Variants in ZNF334 observed in about 807,000 individuals in gnomAD.
ZNF334 encodes zinc finger protein 334.
In ZNF334, 14 loss-of-function variants were observed where a neutral mutation model predicts 12.4. That is an observed-to-expected ratio of 1.13 (90% CI 0.74 to 1.76). The LOEUF (loss-of-function observed/expected upper bound fraction) is 1.76. Ranked by LOEUF, ZNF334 falls within the 40% of genes most tolerant of loss-of-function variation. The probability of loss-of-function intolerance (pLI) is 0.00; values close to 1 mark genes in which losing one functional copy is unlikely to be tolerated. For missense variants in ZNF334, 797 were observed against 804.5 expected, an observed-to-expected ratio of 0.99 and a Z score of 0.11; for synonymous variants, 273 against 269.6, an observed-to-expected ratio of 1.01 and a Z score of -0.12.
intron 2 of ZNF334, among the ~76,000 whole-genome samples, chr20:46,508,781 T>G (rs2061532829): frequency 6.6e-6 from 1 of 152,250 alleles, no homozygotes; most frequent in South Asian, 2.1e-4. Context: ...CCTGTATAAC[T>G]TTCTAATCTT....
chr20:46,480,531 T>C, the ZNF334 span, among the ~76,000 whole-genome samples: 2 of 151,998 alleles, frequency 1.3e-5, no homozygotes, highest in African/African-American at 4.8e-5. Flanking sequence ...TATCTGGGTG[T>C]GTGTTATATG....
the ZNF334 span, chr20:46,463,781 C>A: frequency 3.8e-6 from 1 of 263,404 alleles, no homozygotes; most frequent in South Asian, 4.9e-5. Flanking sequence ...ATTAAGACAG[C>A]ACCTGGAGTT....
chr20:46,465,379 G>C, the ZNF334 span: 2 of 155,010 alleles, frequency 1.3e-5, no homozygotes, highest in Non-Finnish European at 2.8e-5. Context: ...TTCTGCCGAT[G>C]ATGATATGAT....
chr20:46,487,920 C>G, the ZNF334 span, among the ~76,000 whole-genome samples: 43 of 152,286 alleles, frequency 2.8e-4, no homozygotes, highest in East Asian at 7.5e-3. Flanking sequence ...ATCTTGCCCT[C>G]TAAGGGCACC....
At chr20:46,504,373 A>G (rs771652698) in intron 3 of ZNF334, 67 bp from the exon 4 acceptor site, 5 of 1,422,112 alleles carry the variant, frequency 3.5e-6, no homozygotes, top group Non-Finnish European at 4.9e-6. Flanking sequence ...AAGAATGAAG[A>G]AAGTACAGCT....
chr20:46,464,140 T>C, the ZNF334 span: 4 of 549,968 alleles, frequency 7.3e-6, no homozygotes, highest in South Asian at 5.8e-5. Flanking sequence ...ATCCTTTCTA[T>C]GGCCATCAGG....
the ZNF334 span, chr20:46,464,427 C>T: frequency 3.9e-6 from 2 of 508,350 alleles, no homozygotes; most frequent in South Asian, 1.5e-5. Context: ...GAGAGGATCC[C>T]AAAGCCACGC....
At chr20:46,511,182 AG>A (rs2061636541) in intron 2 of ZNF334, among the ~76,000 whole-genome samples, 1 of 151,678 alleles carries the variant, frequency 6.6e-6, no homozygotes, top group Non-Finnish European at 1.5e-5. Context: ...ACTTGAACCC[AG>A]GAGTTCGAGA....
Position 46,501,616 on chromosome 20 carries a change from T to G in ZNF334, c.1723A>C (p.Asn575His). 6.2e-7 allele frequency: 1 copy of G among 1,614,206 alleles called. No individual in the cohort carries two copies. Among genetic ancestry groups the G allele is most frequent in the Non-Finnish European group, 8.5e-7 (1 of 1,180,022 alleles). Residue 575 changes from asparagine (N) to histidine (H), a missense_variant, in exon 5 of 5, where the codon AAT (asparagine) becomes CAT (histidine). By Grantham distance (68) the Asn-to-His change is moderately conservative (BLOSUM62 1). Transcript: ENST00000692313. ...THTGQRPYECNECGKTFCQKF... is the reference protein window; with the variant it reads ...THTGQRPYECHECGKTFCQKF... ...TGACAGAAGGTTTTCCCACATTCAT[T>G]ACACTCATAGGGTCTCTGTCCTGTG...
downstream of ZNF334, among the ~76,000 whole-genome samples, chr20:46,495,290 C>G (rs940663607): frequency 6.6e-6 from 1 of 151,388 alleles, no homozygotes; most frequent in Non-Finnish European, 1.5e-5. Flanking sequence ...ACTGCCGGTG[C>G]TCATTAATGT....
chr20:46,468,469 G>A, the ZNF334 span, among the ~76,000 whole-genome samples: 24 of 149,844 alleles, frequency 1.6e-4, no homozygotes, highest in Non-Finnish European at 3.1e-4. Flanking sequence ...TATTTTTGTA[G>A]AGACAGGGTT....
chr20:46,502,002 G>C lies in ZNF334; in HGVS notation c.1337C>G (p.Ser446Ter), dbSNP rs781186074. 3.0e-5 allele frequency: 48 copies of C among 1,613,928 alleles called. No homozygotes were observed. The highest frequency in any genetic ancestry group is 3.9e-5 in the Non-Finnish European group (46 of 1,180,038). Residue 446 changes from serine (S) to a stop codon, truncating the protein, a stop_gained, in exon 5 of 5, where the codon TCA becomes TGA. Coordinates refer to ENST00000692313, the MANE Select transcript of ZNF334 (RefSeq NM_001353824.2). LOFTEE classifies it low-confidence loss of function (END_TRUNC). ...SQCGKFLCTKSALIAHQITHR... is the reference protein window; with the variant it reads ...SQCGKFLCTK ...AGTTATCTGATGTGCAATGAGGGCT[G>C]ATTTCGTACATAAAAATTTTCCACA...
Position 46,502,478 on chromosome 20 carries a change from A to T in ZNF334, c.861T>A (p.His287Gln), listed in dbSNP as rs1375544445. 1 of 1,613,926 alleles carries T rather than the reference A, an allele frequency of 6.2e-7. No homozygotes were observed. ...TGCATTCATAGGGTCTCTCTCCAGTATGAATTCTTCGGTGTCGAGTGAGGC... is the reference window on the plus strand; with the variant it reads ...TGCATTCATAGGGTCTCTCTCCAGTTTGAATTCTTCGGTGTCGAGTGAGGC... The part of the protein sequence containing the change: ...KTSLTRHRRI[H>Q]TGERPYECSE... Residue 287 changes from histidine to glutamine, a missense_variant, in exon 5 of 5, where the codon CAT (histidine) becomes CAA (glutamine). Physicochemically the swap from His to Gln is conservative, Grantham distance 24. Transcript: ENST00000692313.
rs760721357 is a variant in ZNF334 at position 46,502,531 on chromosome 20, A to G, written c.808T>C (p.Cys270Arg). The G allele has an allele frequency of 1.2e-6, 2 of 1,613,462 alleles. No homozygotes were observed. The highest frequency in any genetic ancestry group is 1.3e-5 in the African/African-American group (1 of 75,020). The part of the protein sequence containing the change: ...TGEKPYVCSD[C>R]RKTFRVKTSL... ...GTCTTCACACGAAAAGTTTTCCTAC[A>G]ATCACTACAAACATACGGTTTCTCC... The change falls in exon 5 of 5, where the codon TGT becomes CGT. Residue 270 changes from cysteine to arginine, a missense_variant. Coordinates refer to ENST00000692313, the MANE Select transcript of ZNF334 (RefSeq NM_001353824.2).
chr20:46,480,454 T>A, the ZNF334 span, among the ~76,000 whole-genome samples: 1 of 152,070 alleles, frequency 6.6e-6, no homozygotes, highest in Non-Finnish European at 1.5e-5. Flanking sequence ...AGCTGCCTCA[T>A]GGGGGTGGGA....
intron 2 of ZNF334, chr20:46,505,824 C>A (rs1486164934): frequency 6.5e-6 from 1 of 153,252 alleles, no homozygotes; most frequent in East Asian, 1.9e-4. Context: ...CTGTCCCCTA[C>A]TCTAGAAAAA....
the ZNF334 span, chr20:46,474,608 A>G: frequency 6.6e-6 from 1 of 150,776 alleles, no homozygotes; most frequent in Admixed American, 6.6e-5. Context: ...AAAGTCTTAT[A>G]TAGAGGCCTA....
downstream of ZNF334, among the ~76,000 whole-genome samples, chr20:46,496,127 G>A (rs2061018822): frequency 1.3e-5 from 2 of 152,142 alleles, no homozygotes; most frequent in Non-Finnish European, 2.9e-5. Flanking sequence ...TTCTGCCTAG[G>A]AGACCCAGAA....
At position 46,512,292 on chromosome 20, in the gene ZNF334, C is replaced by T. The variant is rs79339458; in HGVS notation, c.-38-152G>A. 5.6e-3 allele frequency among the ~76,000 whole-genome samples: 859 copies of T among 152,272 alleles called. 16 individuals carry two copies. In the East Asian group the frequency reaches 0.083, roughly 15 times the overall value. On this transcript the variant is annotated intron_variant, in intron 1 of 4. Coordinates refer to ENST00000692313, the MANE Select transcript of ZNF334 (RefSeq NM_001353824.2). ...ACATGTTGAGGAAACGTTCACTTGT[C>T]CATTTATAGTTCTAGAATGGTCTCA...
Sources: allele counts gnomAD v4.1 joint callset (sites outside exome capture counted in the v4.1 genomes callset), GRCh38; gene constraint gnomAD v4.1.1; transcripts MANE v1.5; gene names NCBI Gene and HGNC (gene_info 2026-07-23, HGNC 2026-07-21).